ABTB2: variants seen among roughly 807,000 people sequenced by gnomAD.
ABTB2 encodes the protein ankyrin repeat and BTB/POZ domain-containing protein 2.
ABTB2 carries 56 observed loss-of-function variants against 104.1 expected under a neutral mutation model. That is an observed-to-expected ratio of 0.54 (90% CI 0.43 to 0.67). The LOEUF is 0.67. Ranked by LOEUF, ABTB2 falls within the 30% of genes least tolerant of loss-of-function variation. The probability of loss-of-function intolerance (pLI) is 0.00; values close to 1 mark genes in which losing one functional copy is unlikely to be tolerated. For synonymous variants in ABTB2, 606 were observed against 608.2 expected (o/e 1.00, Z 0.05); for missense variants, 1,279 against 1,407.7 (o/e 0.91, Z 1.46).
chr11:34,273,648 C>T (rs751819103), intron 1 of ABTB2, among the ~76,000 whole-genome samples: 14 of 151,460 alleles, frequency 9.2e-5, no homozygotes, highest in Non-Finnish European at 1.9e-4. Flanking sequence ...CTGACAACAG[C>T]CTCCCAGAGA....
chr11:34,176,298 A>G (rs1347501426), intron 3 of ABTB2, among the ~76,000 whole-genome samples: 1 of 151,834 alleles, frequency 6.6e-6, no homozygotes. Context: ...AAAAAAAAAA[A>G]AAAAGAGAAA....
chr11:34,253,585 A>G (rs561930968), intron 1 of ABTB2, among the ~76,000 whole-genome samples: 1 of 152,060 alleles, frequency 6.6e-6, no homozygotes, highest in African/African-American at 2.4e-5. Context: ...CTGAGGCAGG[A>G]GAATCCCTTG....
At chr11:34,290,529 A>G (rs1198214578) in intron 1 of ABTB2, among the ~76,000 whole-genome samples, 3 of 152,214 alleles carry the variant, frequency 2.0e-5, no homozygotes, top group African/African-American at 7.2e-5. Context: ...CTAGACATCA[A>G]GGGCAGGATG....
At chr11:34,224,546 C>G (rs1590221774) in intron 1 of ABTB2, among the ~76,000 whole-genome samples, 1 of 152,108 alleles carries the variant, frequency 6.6e-6, no homozygotes, top group Admixed American at 6.6e-5. Context: ...TTCATAGAGC[C>G]TCCCCCGACA....
intron 14 of ABTB2, among the ~76,000 whole-genome samples, chr11:34,156,823 TGTGA>T (rs1194027538): frequency 6.6e-6 from 1 of 152,156 alleles, no homozygotes; most frequent in Non-Finnish European, 1.5e-5. Flanking sequence ...CGTGCCCGGC[TGTGA>T]GTAACTTTTT....
chr11:34,215,871 A>G (rs1590219297), intron 1 of ABTB2, among the ~76,000 whole-genome samples: 1 of 152,182 alleles, frequency 6.6e-6, no homozygotes, highest in Non-Finnish European at 1.5e-5. Context: ...AGTTATTGTC[A>G]CTATTAGGAA....
At chr11:34,243,161 G>C (rs1485818605) in intron 1 of ABTB2, among the ~76,000 whole-genome samples, 1 of 152,194 alleles carries the variant, frequency 6.6e-6, no homozygotes, top group African/African-American at 2.4e-5. Context: ...TGTAGGTGGG[G>C]AGAGGGTTCT....
At chr11:34,239,374 C>A (rs1853886123) in intron 1 of ABTB2, among the ~76,000 whole-genome samples, 1 of 151,932 alleles carries the variant, frequency 6.6e-6, no homozygotes, top group Non-Finnish European at 1.5e-5. Flanking sequence ...GACAGGGTGC[C>A]CCATGCTGGA....
intron 1 of ABTB2, among the ~76,000 whole-genome samples, chr11:34,219,480 C>T (rs1326672934): frequency 6.6e-6 from 1 of 151,682 alleles, no homozygotes; most frequent in Non-Finnish European, 1.5e-5. Flanking sequence ...AAGGTTGAGG[C>T]TACAGTGAGC....
chr11:34,318,611 C>A (rs184551130), intron 1 of ABTB2, among the ~76,000 whole-genome samples: 6 of 152,202 alleles, frequency 3.9e-5, no homozygotes, highest in African/African-American at 1.2e-4. Context: ...TACACAATGA[C>A]GTCATAATAA....
intron 1 of ABTB2, among the ~76,000 whole-genome samples, chr11:34,223,037 C>A (rs1478745029): frequency 6.6e-6 from 1 of 152,170 alleles, no homozygotes; most frequent in Non-Finnish European, 1.5e-5. Flanking sequence ...GGCTTTGACC[C>A]AAAGCCCCTC....
intron 1 of ABTB2, among the ~76,000 whole-genome samples, chr11:34,298,397 G>T (rs545949878): frequency 1.0e-4 from 15 of 149,924 alleles, no homozygotes; most frequent in African/African-American, 3.2e-4. Flanking sequence ...GTAGGGGTGA[G>T]GAATGATCTT....
chr11:34,165,480 C>T, intron 7 of ABTB2, 124 bp from the exon 8 acceptor site: 2 of 704,326 alleles, frequency 2.8e-6, no homozygotes, highest in South Asian at 3.9e-5. Context: ...ACACAGTTCA[C>T]CCCAGCAGCT....
At chr11:34,283,332 C>T (rs1174877730) in intron 1 of ABTB2, among the ~76,000 whole-genome samples, 1 of 152,112 alleles carries the variant, frequency 6.6e-6, no homozygotes, top group African/African-American at 2.4e-5. Flanking sequence ...TCTCATGTCT[C>T]AGCCTCTGGA....
intron 1 of ABTB2, among the ~76,000 whole-genome samples, chr11:34,264,645 TA>T (rs1854225901): frequency 6.6e-6 from 1 of 152,324 alleles, no homozygotes; most frequent in East Asian, 1.9e-4. Context: ...AAAGCCAATA[TA>T]ATAGTCAACT....
intron 1 of ABTB2, among the ~76,000 whole-genome samples, chr11:34,210,253 A>T (rs1853465386): frequency 6.6e-6 from 1 of 152,184 alleles, no homozygotes; most frequent in South Asian, 2.1e-4. Context: ...TCCTCCCAGC[A>T]CTGGGATTCT....
chr11:34,197,189 C>T (rs1853268652), intron 3 of ABTB2, 136 bp downstream of exon 3: 2 of 972,680 alleles, frequency 2.1e-6, no homozygotes, highest in East Asian at 2.6e-5. Flanking sequence ...TCCTGGGCCA[C>T]CTCCTCACAG....
intron 1 of ABTB2, among the ~76,000 whole-genome samples, chr11:34,310,023 T>A (rs1456464874): frequency 6.6e-6 from 1 of 152,214 alleles, no homozygotes; most frequent in African/African-American, 2.4e-5. Context: ...CACTTGGGCT[T>A]GACCTTGACA....
chr11:34,272,728 A>AAAAAC lies in ABTB2; in HGVS notation c.884-68039_884-68038insGTTTT, dbSNP rs1565156120. ...TCTCAAAAAAAAAAAAAAAAAAAAA[A>AAAAAC]AAACCAACCAACCATACACACTGGA... On this transcript the variant is annotated intron_variant, in intron 1 of 16. Transcript: ENST00000435224. 1.4e-4 allele frequency among the ~76,000 whole-genome samples: 19 copies of AAAAAC among 133,226 alleles called. No homozygotes were observed. In the South Asian group the frequency reaches 3.4e-3, roughly 24 times the overall value. 87.4% of individuals were successfully genotyped at this position (133,226 alleles called of 152,430 possible). A position where few individuals can be genotyped will look rare whatever the true frequency, so the allele number is the denominator to read the frequency against.
Sources: gnomAD v4.1 joint callset for allele counts (sites outside exome capture counted in the v4.1 genomes callset) on GRCh38, gnomAD v4.1.1 for gene constraint, MANE v1.5 for transcripts, NCBI Gene and HGNC (gene_info 2026-07-23, HGNC 2026-07-21) for gene names.